AKAP13: variants seen among roughly 807,000 people sequenced by gnomAD.
AKAP13 encodes A-kinase anchor protein 13.
In AKAP13, 80 loss-of-function variants were observed where a neutral mutation model predicts 264.5. That is an observed-to-expected ratio of 0.30 (90% confidence interval 0.25 to 0.36). AKAP13 has a LOEUF of 0.36. Ranked by LOEUF, AKAP13 falls within the 10% of genes least tolerant of loss-of-function variation. The pLI, the probability that AKAP13 is intolerant of heterozygous loss-of-function variation, is 1.00. For synonymous variants in AKAP13, 1,380 were observed against 1,250.2 expected, an observed-to-expected ratio of 1.10 and a Z score of -2.19; for missense variants, 3,712 against 3,435.2, an observed-to-expected ratio of 1.08 and a Z score of -2.01.
At chr15:85,726,735 T>TA (rs2087638015) in intron 27 of AKAP13, among the ~76,000 whole-genome samples, 1 of 152,240 alleles carries the variant, frequency 6.6e-6, no homozygotes, top group South Asian at 2.1e-4. Flanking sequence ...TGAAGAAACC[T>TA]GGTCACTGGA....
intron 1 of AKAP13, among the ~76,000 whole-genome samples, chr15:85,386,941 TG>T (rs2070595685): frequency 6.6e-6 from 1 of 152,212 alleles, no homozygotes; most frequent in Non-Finnish European, 1.5e-5. Flanking sequence ...AATTGTTTTT[TG>T]GGTATTTTAG....
intron 1 of AKAP13, among the ~76,000 whole-genome samples, chr15:85,392,447 G>T (rs1022999151): frequency 6.6e-6 from 1 of 151,710 alleles, no homozygotes; most frequent in African/African-American, 2.4e-5. Flanking sequence ...TAGAGACAGG[G>T]TTTCACCATG....
At chr15:85,609,352 A>C (rs1256197027) in intron 8 of AKAP13, among the ~76,000 whole-genome samples, 2 of 152,138 alleles carry the variant, frequency 1.3e-5, no homozygotes, top group Non-Finnish European at 2.9e-5. Context: ...CCACATTATC[A>C]GTGAGATCTT....
Position 85,741,274 on chromosome 15 carries a change from C to G in AKAP13, c.7837C>G (p.Arg2613Gly), listed in dbSNP as rs772224694. 1.4e-5 allele frequency: 22 copies of G among 1,609,746 alleles called. No individual in the cohort carries two copies. The highest frequency in any genetic ancestry group is 1.6e-5 in the Non-Finnish European group (19 of 1,178,158). Reference sequence around the variant, plus strand: ...GTGGGAAGCTCGTGAGAGGGAGCTGCGGGAGCGGGAGGCCCTCCTGGCCCA... The same window carrying G: ...GTGGGAAGCTCGTGAGAGGGAGCTGGGGGAGCGGGAGGCCCTCCTGGCCCA... ...REWEAREREL[R>G]EREALLAQRE... The change falls in exon 35 of 37, where the codon CGG (arginine) becomes GGG (glycine). Residue 2613 changes from arginine to glycine, a missense_variant. This residue lies in a region of AKAP13 where 611 missense variants were observed against 539.3 expected (regional missense o/e 1.13). Coordinates refer to ENST00000394518, the MANE Select transcript of AKAP13 (RefSeq NM_007200.5).
chr15:85,628,774 G>C (rs1285949057), intron 8 of AKAP13, among the ~76,000 whole-genome samples: 1 of 151,798 alleles, frequency 6.6e-6, no homozygotes, highest in East Asian at 1.9e-4. Flanking sequence ...AAATATTTTT[G>C]TCTAAATCAA....
intron 17 of AKAP13, chr15:85,702,549 C>G (rs2151671255): frequency 6.6e-6 from 1 of 152,270 alleles, no homozygotes; most frequent in Non-Finnish European, 1.5e-5. Flanking sequence ...CCTAGGAAAC[C>G]TTTGTGCTCT....
At chr15:85,713,607 A>G (rs921450029) in intron 19 of AKAP13, among the ~76,000 whole-genome samples, 10 of 152,108 alleles carry the variant, frequency 6.6e-5, no homozygotes, top group Non-Finnish European at 1.5e-4. Context: ...GCCACATCCC[A>G]TAATCCTTGT....
intron 1 of AKAP13, among the ~76,000 whole-genome samples, chr15:85,399,586 A>G (rs1045099988): frequency 1.3e-5 from 2 of 151,308 alleles, no homozygotes; most frequent in African/African-American, 4.8e-5. Flanking sequence ...ATAATTACTC[A>G]TAGAATTACT....
chr15:85,620,069 G>T (rs748757127), intron 8 of AKAP13: 1 of 1,535,912 alleles, frequency 6.5e-7, no homozygotes, highest in African/African-American at 1.4e-5. Context: ...CATTTTCTCT[G>T]TTCTTTCTTG....
At chr15:85,630,166 TACACACAC>T (rs59852934) in intron 8 of AKAP13, among the ~76,000 whole-genome samples, 144 of 100,180 alleles carry the variant, frequency 1.4e-3, no homozygotes, top group African/African-American at 4.3e-3. Context: ...TTTTAACACA[TACACACAC>T]ACACACACAC....
intron 1 of AKAP13, among the ~76,000 whole-genome samples, chr15:85,457,677 C>G (rs2074331669): frequency 1.3e-5 from 2 of 152,160 alleles, no homozygotes; most frequent in Non-Finnish European, 2.9e-5. Flanking sequence ...CTATGTCTGT[C>G]ATCTTTTACA....
At position 85,664,622 on chromosome 15, in the gene AKAP13, T is replaced by C. The variant is rs367585789; in HGVS notation, c.4859T>C (p.Leu1620Pro). 3.1e-6 allele frequency: 5 copies of C among 1,613,972 alleles called. No individual in the cohort carries two copies. The highest frequency in any genetic ancestry group is 4.2e-6 in the Non-Finnish European group (5 of 1,179,956). Residue 1620 changes from leucine (L) to proline (P), a missense_variant, in exon 13 of 37, where the codon CTA (leucine) becomes CCA (proline). Coordinates refer to ENST00000394518, the MANE Select transcript of AKAP13 (RefSeq NM_007200.5). ...GTCGGAAACAAGCCATCCTCATCTCTAGAAGTAAGCTCTGCAAATGCCGAA... is the reference window on the plus strand; with the variant it reads ...GTCGGAAACAAGCCATCCTCATCTCCAGAAGTAAGCTCTGCAAATGCCGAA... Reference protein sequence around the residue: ...AGVGNKPSSSLEVSSANAEEL... With the variant: ...AGVGNKPSSSPEVSSANAEEL...
At chr15:85,484,524 G>T (rs987144677) in intron 1 of AKAP13, among the ~76,000 whole-genome samples, 1 of 152,200 alleles carries the variant, frequency 6.6e-6, no homozygotes, top group Admixed American at 6.5e-5. Flanking sequence ...GTTTTCTACT[G>T]CGTTGTCCAG....
At position 85,583,740 on chromosome 15, in the gene AKAP13, A is replaced by T. The variant is rs185777085; in HGVS notation, c.4039+1633A>T. The stretch of plus-strand genomic sequence containing the variant: ...GATTGTGTCTGTAGTATCCTATGAG[A>T]AAAAGTAAAAACCAGGGAGAATTTC... On this transcript the variant is annotated intron_variant, in intron 7 of 36. Transcript: ENST00000394518. 2.4e-4 allele frequency among the ~76,000 whole-genome samples: 37 copies of T among 152,366 alleles called. 1 individual carries two copies. The East Asian group carries it at 6.7e-3, about 28-fold the overall frequency.
At chr15:85,706,297 T>G (rs2086250820) in intron 17 of AKAP13, among the ~76,000 whole-genome samples, 1 of 152,084 alleles carries the variant, frequency 6.6e-6, no homozygotes, top group South Asian at 2.1e-4. Context: ...GTAAGAATAG[T>G]GCTCGTGAGG....
intron 1 of AKAP13, among the ~76,000 whole-genome samples, chr15:85,427,618 T>C (rs1369404099): frequency 2.0e-5 from 3 of 152,222 alleles, no homozygotes; most frequent in Non-Finnish European, 4.4e-5. Context: ...AAGTATCTTG[T>C]CAAATTTGTT....
At chr15:85,627,395 A>G (rs1476027484) in intron 8 of AKAP13, among the ~76,000 whole-genome samples, 1 of 151,876 alleles carries the variant, frequency 6.6e-6, no homozygotes, top group East Asian at 1.9e-4. Flanking sequence ...TATACCTTTT[A>G]TGTGCTTCCC....
At chr15:85,677,550 C>G (rs1337501550) in intron 14 of AKAP13, among the ~76,000 whole-genome samples, 3 of 151,808 alleles carry the variant, frequency 2.0e-5, no homozygotes, top group African/African-American at 2.4e-5. Context: ...TTTTTCTTCT[C>G]CTTTTCAGAC....
At chr15:85,423,869 G>A (rs927195936) in intron 1 of AKAP13, among the ~76,000 whole-genome samples, 5 of 152,212 alleles carry the variant, frequency 3.3e-5, no homozygotes, top group African/African-American at 1.2e-4. Context: ...TGTGTTAGCA[G>A]GCATGAAAAC....
Sources: allele counts gnomAD v4.1 joint callset (sites outside exome capture counted in the v4.1 genomes callset), GRCh38; gene constraint gnomAD v4.1.1; regional missense constraint gnomAD v4.1.1; transcripts MANE v1.5; gene names NCBI Gene and HGNC (gene_info 2026-07-23, HGNC 2026-07-21).